Variants in NEMF observed in about 807,000 individuals in gnomAD.
NEMF encodes ribosome quality control complex subunit NEMF.
In NEMF, 89 loss-of-function variants were observed where a neutral mutation model predicts 162.2. That is an observed-to-expected ratio of 0.55 (90% CI 0.46 to 0.65). The LOEUF (loss-of-function observed/expected upper bound fraction) is 0.65, where lower values mean the gene tolerates loss of function less well. Ranked by LOEUF, NEMF falls within the 30% of genes least tolerant of loss-of-function variation. The pLI is 0.00. For synonymous variants in NEMF, 421 were observed against 404.5 expected (o/e 1.04, Z -0.49); for missense variants, 1,133 against 1,261.9 (o/e 0.90, Z 1.55).
intron 16 of NEMF, 75 bp downstream of exon 16, chr14:49,825,792 T>C: frequency 2.0e-6 from 2 of 997,904 alleles, no homozygotes; most frequent in Non-Finnish European, 3.0e-6. Flanking sequence ...TAGAACTGTT[T>C]GACTTTTCTA....
Position 49,831,979 on chromosome 14 carries a change from A to G in NEMF, c.882+72T>C, listed in dbSNP as rs763674208. 5.3e-5 allele frequency: 53 copies of G among 1,005,608 alleles called. No homozygotes were observed. In the South Asian group the frequency reaches 6.0e-4, roughly 11 times the overall value. The allele number at this position is 1,005,608 out of a possible 1,614,324, so 62.3% of individuals were successfully genotyped here. On this transcript the variant is annotated intron_variant, in intron 10 of 32. Transcript: ENST00000298310. ...AAGCAAGTATAGTTTCAGTTTCTCA[A>G]TAGAAGCAAGTTGATATCAACAGCT... is the stretch of plus-strand genomic sequence containing the variant.
At chr14:49,807,470 G>A (rs972864989) in intron 18 of NEMF, among the ~76,000 whole-genome samples, 1 of 151,996 alleles carries the variant, frequency 6.6e-6, no homozygotes. Flanking sequence ...CACAGCAGCT[G>A]TATCATTGTC....
At chr14:49,825,996 T>A (rs1156261216) in intron 15 of NEMF, 41 bp from the exon 16 acceptor site, 1 of 1,389,748 alleles carries the variant, frequency 7.2e-7, no homozygotes, top group Non-Finnish European at 1.0e-6. Flanking sequence ...TTGTTAAGAA[T>A]GTATTTAAAT....
Position 49,786,700 on chromosome 14 carries a change from C to G in NEMF, c.2928+18G>C, listed in dbSNP as rs1890196078. 1.2e-6 allele frequency: 2 copies of G among 1,601,834 alleles called. No individual in the cohort carries two copies. Among genetic ancestry groups the G allele is most frequent in the East Asian group, 2.2e-5 (1 of 44,806 alleles). ...GTAATCACAGTGTTGTAGTAGGAAC[C>G]CCAACATAAAATCATACCTCATTTC... On this transcript the variant is annotated intron_variant, in intron 29 of 32. Transcript: ENST00000298310.
chr14:49,805,822 C>CT (rs1891161720), intron 19 of NEMF, among the ~76,000 whole-genome samples, 199 bp downstream of exon 19: 1 of 152,094 alleles, frequency 6.6e-6, no homozygotes, highest in Admixed American at 6.5e-5. Context: ...ACGGTATCCC[C>CT]TATCACTCTC....
In NEMF at chr14:49,825,897, G is replaced by A. The variant is rs1337416142; in HGVS notation, c.1547C>T (p.Thr516Ile). Reference sequence around the variant, plus strand: ...TACTTTTCTTGCTTTTTGAATAGAGGTAACAGTCTGAACTTCTTTTAATGT... The same window carrying A: ...TACTTTTCTTGCTTTTTGAATAGAGATAACAGTCTGAACTTCTTTTAATGT... ...KQTLKEVQTVTSIQKARKVYW... is the reference protein window; with the variant it reads ...KQTLKEVQTVISIQKARKVYW... Residue 516 changes from threonine to isoleucine, a missense_variant, in exon 16 of 33, where the codon ACC becomes ATC. Physicochemically the swap from Thr to Ile is moderately conservative, Grantham distance 89. This residue lies in a region of NEMF where 582 missense variants were observed against 631.5 expected (regional missense o/e 0.92). Transcript: ENST00000298310. 9 of 1,609,204 alleles carry A rather than the reference G, an allele frequency of 5.6e-6. No homozygotes were observed. The highest frequency in any genetic ancestry group is 1.3e-5 in the African/African-American group (1 of 74,782).
At chr14:49,844,534 GC>G (rs1893372928) in intron 4 of NEMF, among the ~76,000 whole-genome samples, 1 of 152,070 alleles carries the variant, frequency 6.6e-6, no homozygotes, top group Admixed American at 6.6e-5. Context: ...ACTGAAAACT[GC>G]TCTGGGTGAG....
chr14:49,831,742 C>T (rs1566694369), intron 10 of NEMF, among the ~76,000 whole-genome samples: 1 of 152,170 alleles, frequency 6.6e-6, no homozygotes, highest in Non-Finnish European at 1.5e-5. Context: ...CAGCTGCATA[C>T]ACAGAATTTT....
At chr14:49,791,194 G>C (rs543639986) in intron 26 of NEMF, among the ~76,000 whole-genome samples, 1 of 151,832 alleles carries the variant, frequency 6.6e-6, no homozygotes, top group Non-Finnish European at 1.5e-5. Flanking sequence ...AATTAGCTGG[G>C]TGTGGTGGCG....
Position 49,782,729 on chromosome 14 carries a change from C to A in NEMF, c.*1907G>T, listed in dbSNP as rs1227729114. ...TGCTATAACCAGTTCCTATGAAAATCTTTGAAGAAAGAAAGAGGGATGTTT... is the reference window on the plus strand; with the variant it reads ...TGCTATAACCAGTTCCTATGAAAATATTTGAAGAAAGAAAGAGGGATGTTT... On this transcript the variant is annotated 3_prime_UTR_variant, in exon 33 of 33. Transcript: ENST00000298310. The A allele has an allele frequency of 3.6e-5, 52 of 1,444,634 alleles. No homozygotes were observed. Among genetic ancestry groups the A allele is most frequent in the Non-Finnish European group, 4.6e-5 (49 of 1,060,914 alleles). 89.5% of individuals were successfully genotyped at this position (1,444,634 alleles called of 1,614,324 possible). A position where few individuals can be genotyped will look rare whatever the true frequency, so the allele number is the denominator to read the frequency against.
chr14:49,832,249 T>A lies in NEMF; in HGVS notation c.764A>T (p.Lys255Ile). The A allele has an allele frequency of 6.2e-7, 1 of 1,605,824 alleles. No individual in the cohort carries two copies. The highest frequency in any genetic ancestry group is 8.5e-7 in the Non-Finnish European group (1 of 1,173,024). Residue 255 changes from lysine (K) to isoleucine (I), a missense_variant, in exon 9 of 33, where the codon AAA (lysine) becomes ATA (isoleucine). Lys to Ile is a moderately radical substitution (Grantham distance 102). Transcript: ENST00000298310. ...KGYIIQKREI[K>I]PSLEADKPVE... is the part of the protein sequence containing the mutation. ...TGGTTTATCTGCTTCCAAGCTTGGT[T>A]TTATTTCTCTTTTCTGAATGATATA...
At position 49,789,491 on chromosome 14, in the gene NEMF, T is replaced by C. The variant is rs762356693; in HGVS notation, c.2697+5A>G. On this transcript the variant is annotated splice_donor_5th_base_variant and intron_variant, in intron 27 of 32. Transcript: ENST00000298310. ...AAAGAAAAAATGTTTTTAGATGTTA[T>C]TTACCCCCAGCAACTTCATGATAAG... The C allele has an allele frequency of 6.2e-6, 10 of 1,611,900 alleles. No homozygotes were observed. Among genetic ancestry groups the C allele is most frequent in the Non-Finnish European group, 5.9e-6 (7 of 1,179,590 alleles).
intron 5 of NEMF, chr14:49,839,792 G>C (rs139529698): frequency 5.4e-4 from 82 of 152,182 alleles, no homozygotes; most frequent in African/African-American, 2.0e-3. Flanking sequence ...CCCTGCACAA[G>C]GATGACATGA....
At chr14:49,844,997 G>A (rs1860158726) in intron 4 of NEMF, among the ~76,000 whole-genome samples, 1 of 152,046 alleles carries the variant, frequency 6.6e-6, no homozygotes, top group Non-Finnish European at 1.5e-5. Flanking sequence ...TCAAACTCCT[G>A]ACCTCAGGTG....
At position 49,789,213 on chromosome 14, in the gene NEMF, G is replaced by C; in HGVS notation, c.2828C>G (p.Thr943Ser). Reference protein sequence around the residue: ...QRVSDNIKKETPFLEVITHEL... With the variant: ...QRVSDNIKKESPFLEVITHEL... Reference sequence around the variant, plus strand: ...ATGAGTTATAACCTCAAGGAACGGAGTTTCTTTCTTAATGTTGTCAGAGAC... The same window carrying C: ...ATGAGTTATAACCTCAAGGAACGGACTTTCTTTCTTAATGTTGTCAGAGAC... Residue 943 changes from threonine (T) to serine (S), a missense_variant, in exon 28 of 33, where the codon ACT becomes AGT. Transcript: ENST00000298310. The C allele has an allele frequency of 6.2e-7, 1 of 1,614,146 alleles. No individual in the cohort carries two copies. Among genetic ancestry groups the C allele is most frequent in the East Asian group, 2.2e-5 (1 of 44,874 alleles).
chr14:49,845,995 A>C (rs1893481462), intron 4 of NEMF, 145 bp downstream of exon 4: 1 of 619,900 alleles, frequency 1.6e-6, no homozygotes, highest in African/African-American at 1.9e-5. Context: ...GGAAAATTTT[A>C]TTTTATTTGT....
intron 18 of NEMF, among the ~76,000 whole-genome samples, chr14:49,808,874 T>G (rs1323771740): frequency 6.6e-6 from 1 of 152,134 alleles, no homozygotes; most frequent in East Asian, 1.9e-4. Flanking sequence ...CCAAAGACTT[T>G]TAACAGATAC....
intron 5 of NEMF, 92 bp from the exon 6 acceptor site, chr14:49,838,298 C>A: frequency 4.2e-6 from 4 of 963,348 alleles, no homozygotes; most frequent in Non-Finnish European, 6.6e-6. Flanking sequence ...TATCAGTTCA[C>A]CTGATCTTTA....
intron 4 of NEMF, chr14:49,844,737 G>GCGCACACACACACA (rs753967398): frequency 6.0e-6 from 1 of 166,740 alleles, no homozygotes; most frequent in African/African-American, 2.5e-5. Context: ...GCACGCGCGC[G>GCGCACACACACACA]CACACACACA....
Sources: allele counts gnomAD v4.1 joint callset (sites outside exome capture counted in the v4.1 genomes callset), GRCh38; gene constraint gnomAD v4.1.1; regional missense constraint gnomAD v4.1.1; transcripts MANE v1.5; gene names NCBI Gene and HGNC (gene_info 2026-07-23, HGNC 2026-07-21).